The following ATP2B2 variants were observed in gnomAD, a reference collection of about 807,000 sequenced individuals.
ATP2B2 encodes the protein plasma membrane calcium-transporting ATPase 2.
Under a neutral mutation model 120.0 loss-of-function variants are expected in ATP2B2, and 15 were observed. That is an observed-to-expected ratio of 0.12 (90% CI 0.08 to 0.19). The LOEUF (loss-of-function observed/expected upper bound fraction) is 0.19, where lower values mean the gene tolerates loss of function less well. Among genes scored for constraint, ATP2B2 ranks in the 10% least tolerant of loss-of-function variants. The probability of loss-of-function intolerance (pLI) is 1.00; values close to 1 mark genes in which losing one functional copy is unlikely to be tolerated. For missense variants in ATP2B2, 1,045 were observed against 1,719.8 expected, an observed-to-expected ratio of 0.61 and a Z score of 6.94; for synonymous variants, 694 against 700.3, an observed-to-expected ratio of 0.99 and a Z score of 0.14.
chr3:10,606,450 G>C (rs898315495), intron 2 of ATP2B2, among the ~76,000 whole-genome samples: 2 of 152,126 alleles, frequency 1.3e-5, no homozygotes, highest in African/African-American at 2.4e-5. Context: ...CCCTGACCAG[G>C]GGGGTGGAGT....
In ATP2B2 at chr3:10,643,466, T is replaced by G. The variant is rs150290539; in HGVS notation, c.-459-23505A>C. ...TAGTCTTCAAGCATCTCCCCACAGATTGGGGAGAAAATAATAATGATGCAG... is the reference window on the plus strand; with the variant it reads ...TAGTCTTCAAGCATCTCCCCACAGAGTGGGGAGAAAATAATAATGATGCAG... On this transcript the variant is annotated intron_variant, in intron 1 of 21. Transcript: ENST00000646379. 2.7e-4 allele frequency among the ~76,000 whole-genome samples: 41 copies of G among 152,218 alleles called. No homozygotes were observed. In the South Asian group the frequency reaches 8.1e-3, roughly 30 times the overall value.
chr3:10,460,536 T>C (rs1361511272), intron 1 of ATP2B2, among the ~76,000 whole-genome samples: 1 of 152,196 alleles, frequency 6.6e-6, no homozygotes, highest in Admixed American at 6.5e-5. Context: ...CCTAGGGTGC[T>C]GGGTGTAGGC....
chr3:10,469,880 C>A (rs753761455), intron 1 of ATP2B2, among the ~76,000 whole-genome samples: 23 of 152,146 alleles, frequency 1.5e-4, no homozygotes, highest in Non-Finnish European at 3.1e-4. Context: ...CCCTGACACC[C>A]AAGCCTCCCA....
At chr3:10,376,710 C>T (rs747530986) in intron 10 of ATP2B2, among the ~76,000 whole-genome samples, 8 of 152,226 alleles carry the variant, frequency 5.3e-5, no homozygotes, top group Non-Finnish European at 1.2e-4. Flanking sequence ...CCCATCTTAA[C>T]CTGATGGCCA....
intron 2 of ATP2B2, among the ~76,000 whole-genome samples, chr3:10,601,695 G>A (rs943553304): frequency 9.9e-5 from 15 of 152,202 alleles, no homozygotes; most frequent in African/African-American, 3.6e-4. Flanking sequence ...GAAGGACCCC[G>A]GGGAGGGGAA....
chr3:10,567,894 T>C (rs1049686142), intron 2 of ATP2B2, among the ~76,000 whole-genome samples: 7 of 152,058 alleles, frequency 4.6e-5, no homozygotes, highest in African/African-American at 1.7e-4. Flanking sequence ...TGATGAATGG[T>C]CAAACTGTAC....
rs1575574573 is a variant in ATP2B2, at chr3:10,628,890, A to G, written c.-459-8929T>C. 2.6e-5 allele frequency among the ~76,000 whole-genome samples: 4 copies of G among 152,258 alleles called. No homozygotes were observed. The South Asian group carries it at 8.3e-4, about 32-fold the overall frequency. On this transcript the variant is annotated intron_variant, in intron 1 of 21. Transcript: ENST00000646379. ...GGGAACTTCTGGTCACAACATTTTCACCAACTGATCAGTATATAACCTTGT... is the reference window on the plus strand; with the variant it reads ...GGGAACTTCTGGTCACAACATTTTCGCCAACTGATCAGTATATAACCTTGT...
chr3:10,656,027 C>G (rs2070617861), intron 1 of ATP2B2, among the ~76,000 whole-genome samples: 1 of 152,216 alleles, frequency 6.6e-6, no homozygotes, highest in South Asian at 2.1e-4. Flanking sequence ...TGAGTCCAAA[C>G]AGAATAAGTC....
chr3:10,689,368 T>C (rs2071601952), intron 1 of ATP2B2, among the ~76,000 whole-genome samples: 1 of 152,132 alleles, frequency 6.6e-6, no homozygotes, highest in African/African-American at 2.4e-5. Flanking sequence ...GGGAAAGGCA[T>C]CTATTTCACA....
At chr3:10,423,874 A>G (rs1412370234) in intron 2 of ATP2B2, among the ~76,000 whole-genome samples, 3 of 152,198 alleles carry the variant, frequency 2.0e-5, no homozygotes, top group Non-Finnish European at 4.4e-5. Context: ...CTGCTGAGGT[A>G]GATGAAAGAA....
chr3:10,533,601 A>G (rs1229419241), intron 3 of ATP2B2, among the ~76,000 whole-genome samples: 1 of 152,188 alleles, frequency 6.6e-6, no homozygotes, highest in Non-Finnish European at 1.5e-5. Flanking sequence ...CCCAGCTCCA[A>G]CGCTTCATGT....
At chr3:10,374,486 G>T (rs1170152871) in intron 11 of ATP2B2, among the ~76,000 whole-genome samples, 1 of 152,240 alleles carries the variant, frequency 6.6e-6, no homozygotes, top group Non-Finnish European at 1.5e-5. Flanking sequence ...GCCCTCTGGA[G>T]GCTCTGCCAA....
At chr3:10,548,520 C>G (rs552808629) in intron 2 of ATP2B2, among the ~76,000 whole-genome samples, 1 of 152,250 alleles carries the variant, frequency 6.6e-6, no homozygotes, top group East Asian at 1.9e-4. Context: ...TGGGTGTTGG[C>G]AGTTGGTGTA....
At chr3:10,516,505 C>T (rs1183035342) in intron 3 of ATP2B2, among the ~76,000 whole-genome samples, 1 of 152,214 alleles carries the variant, frequency 6.6e-6, no homozygotes, top group Non-Finnish European at 1.5e-5. Context: ...GCTGCCAGCA[C>T]CTCAGATACC....
chr3:10,440,100 T>TAAAAAAAAAA (rs71055819), intron 2 of ATP2B2, among the ~76,000 whole-genome samples: 1 of 28,142 alleles, frequency 3.6e-5, no homozygotes, highest in Non-Finnish European at 6.0e-5. Flanking sequence ...AGACTCTATC[T>TAAAAAAAAAA]AAAAAAAAAA....
chr3:10,449,928 AG>A, intron 1 of ATP2B2, 66 bp from the exon 2 acceptor site: 1 of 359,300 alleles, frequency 2.8e-6, no homozygotes, highest in Non-Finnish European at 5.4e-6. Context: ...ACAGGTGCTC[AG>A]GAAGGCCCCA....
chr3:10,391,594 G>A (rs896675388), intron 5 of ATP2B2, among the ~76,000 whole-genome samples: 3 of 152,196 alleles, frequency 2.0e-5, no homozygotes, highest in Admixed American at 6.5e-5. Context: ...GCAGGAGGAC[G>A]TCAGGGAGGG....
chr3:10,532,324 A>G (rs1047789760), intron 3 of ATP2B2, among the ~76,000 whole-genome samples: 28 of 152,208 alleles, frequency 1.8e-4, no homozygotes. Flanking sequence ...ACTTGTAACC[A>G]AATAAACAGG....
chr3:10,637,452 C>T (rs574826283), intron 1 of ATP2B2, among the ~76,000 whole-genome samples: 1 of 152,250 alleles, frequency 6.6e-6, no homozygotes, highest in African/African-American at 2.4e-5. Context: ...GAAGATATAA[C>T]AAAACCACAA....
Sources: gnomAD v4.1 joint callset for allele counts (sites outside exome capture counted in the v4.1 genomes callset) on GRCh38, gnomAD v4.1.1 for gene constraint, MANE v1.5 for transcripts, NCBI Gene and HGNC (gene_info 2026-07-23, HGNC 2026-07-21) for gene names.